CGAS: variants seen among roughly 807,000 people sequenced by gnomAD.
CGAS encodes the protein 2'3'-cGAMP synthase.
In CGAS, 31 loss-of-function variants were observed where a neutral mutation model predicts 34.0. The observed-to-expected ratio is 0.91, with a 90% CI of 0.69 to 1.23. CGAS has a LOEUF of 1.23. Ranked by LOEUF, CGAS falls within the 50% of genes most tolerant of loss-of-function variation. CGAS has a pLI of 0.00. For synonymous variants in CGAS, 266 were observed against 260.0 expected, an observed-to-expected ratio of 1.02 and a Z score of -0.22; for missense variants, 597 against 657.6, an observed-to-expected ratio of 0.91 and a Z score of 1.01.
intron 3 of CGAS, among the ~76,000 whole-genome samples, chr6:73,430,398 A>T (rs887315561): frequency 7.0e-4 from 106 of 152,244 alleles, no homozygotes; most frequent in African/African-American, 2.5e-3. Flanking sequence ...CAGGAGGCCG[A>T]GACAGGAGAC....
chr6:73,443,747 T>C (rs1319598678), intron 2 of CGAS, among the ~76,000 whole-genome samples: 2 of 152,158 alleles, frequency 1.3e-5, no homozygotes, highest in African/African-American at 2.4e-5. Flanking sequence ...CTTAATCTAA[T>C]AGCGTAATAA....
intron 2 of CGAS, among the ~76,000 whole-genome samples, chr6:73,443,395 C>T (rs1045189430): frequency 9.2e-5 from 14 of 152,002 alleles, no homozygotes; most frequent in Non-Finnish European, 1.9e-4. Flanking sequence ...CCCGCCACCA[C>T]GCCCGGCTAG....
chr6:73,426,109 C>G lies in CGAS; in HGVS notation c.1218-531G>C, dbSNP rs1161414708. 2.0e-5 allele frequency among the ~76,000 whole-genome samples: 3 copies of G among 151,948 alleles called. 1 individual carries two copies. Among genetic ancestry groups the G allele is most frequent in the Admixed American group, 2.0e-4 (3 of 15,208 alleles). On this transcript the variant is annotated intron_variant, in intron 4 of 4. Transcript: ENST00000370315. ...ATCAGCCTGGCCAGTATGCTGAAAC[C>G]CCATCTCTACTAAAAATACAAAAAT...
chr6:73,430,509 T>C (rs1770177401), intron 3 of CGAS, among the ~76,000 whole-genome samples: 2 of 151,992 alleles, frequency 1.3e-5, no homozygotes, highest in African/African-American at 2.4e-5. Context: ...TGTATGTATG[T>C]ATTTGTATAT....
chr6:73,450,106 G>A (rs1255028152), intron 1 of CGAS, among the ~76,000 whole-genome samples: 1 of 150,412 alleles, frequency 6.6e-6, no homozygotes, highest in Non-Finnish European at 1.5e-5. Context: ...AGAGAGAAGA[G>A]AAGAGAAGAG....
intron 2 of CGAS, among the ~76,000 whole-genome samples, chr6:73,443,687 A>AT (rs1464936829): frequency 2.0e-5 from 3 of 152,078 alleles, no homozygotes; most frequent in Non-Finnish European, 4.4e-5. Context: ...CAAGATAATC[A>AT]TTTTTTCCAT....
At chr6:73,428,897 T>C (rs1434462089) in intron 3 of CGAS, 86 bp from the exon 4 acceptor site, 13 of 1,230,450 alleles carry the variant, frequency 1.1e-5, no homozygotes, top group Non-Finnish European at 1.1e-5. Context: ...CTCATGAAAA[T>C]ATCCTGGGGC....
At chr6:73,443,713 C>T (rs968163440) in intron 2 of CGAS, among the ~76,000 whole-genome samples, 5 of 152,164 alleles carry the variant, frequency 3.3e-5, no homozygotes, top group South Asian at 4.1e-4. Context: ...ATTAATTGTA[C>T]GTCTGTGCTT....
chr6:73,451,906 C>A lies in CGAS; in HGVS notation c.276G>T (p.Gln92His). ...KKAPQRAQDT[Q>H]PSDATSAPGA... ...CAGGGGCGCTGGTGGCGTCAGACGG[C>A]TGCGTGTCCTGGGCGCGCTGAGGGG... is the stretch of plus-strand genomic sequence containing the variant. The change falls in exon 1 of 5, where the codon CAG (glutamine) becomes CAT (histidine). Residue 92 changes from glutamine (Q) to histidine (H), a missense_variant. By Grantham distance (24) the Gln-to-His change is conservative. Transcript: ENST00000370315. 3 of 1,523,860 alleles carry A rather than the reference C, an allele frequency of 2.0e-6. No individual in the cohort carries two copies. The highest frequency in any genetic ancestry group is 1.8e-6 in the Non-Finnish European group (2 of 1,131,964). The allele number at this position is 1,523,860 out of a possible 1,614,324, so 94.4% of individuals were successfully genotyped here. A position where few individuals can be genotyped will look rare whatever the true frequency, so the allele number is the denominator to read the frequency against.
At chr6:73,428,848 C>T (rs1379121549) in intron 3 of CGAS, 37 bp from the exon 4 acceptor site, 2 of 1,538,166 alleles carry the variant, frequency 1.3e-6, no homozygotes, top group Non-Finnish European at 1.8e-6. Flanking sequence ...AGCACTTTAC[C>T]CAAAGCATCC....
rs528589094 is a variant in CGAS at position 73,428,609 on chromosome 6, A to G, written c.1217+100T>C. The G allele has an allele frequency of 1.8e-4, 200 of 1,106,236 alleles. 1 individual carries two copies. In the East Asian group the frequency reaches 4.9e-3, roughly 27 times the overall value. The allele number at this position is 1,106,236 out of a possible 1,614,324, so 68.5% of individuals were successfully genotyped here. On this transcript the variant is annotated intron_variant, in intron 4 of 4. Transcript: ENST00000370315. ...TCAACCCAATCCTGCCCTGCCCCCC[A>G]GACCCAACCCAGCTCAGCTCTTCAG...
At chr6:73,442,404 CT>C (rs575356584) in intron 2 of CGAS, among the ~76,000 whole-genome samples, 338 of 140,626 alleles carry the variant, frequency 2.4e-3, no homozygotes, top group Non-Finnish European at 2.4e-3. Flanking sequence ...CCAGCCCAAA[CT>C]TTTTTTTTTT....
chr6:73,428,756 A>G lies in CGAS; in HGVS notation c.1170T>C (p.His390=), dbSNP rs752157553. ...SHIEKEILNN[H]GKSKTCCENK... is the part of the protein sequence containing the mutation. ...TTTCACAGCACGTTTTAGATTTTCC[A>G]TGATTGTTCAAAATTTCCTTTTCGA... The change falls in exon 4 of 5, where the codon CAT becomes CAC. Residue 390 remains histidine, a synonymous_variant. Coordinates refer to ENST00000370315, the MANE Select transcript of CGAS (RefSeq NM_138441.3). The G allele has an allele frequency of 1.9e-6, 3 of 1,613,818 alleles. No homozygotes were observed. Among genetic ancestry groups the G allele is most frequent in the East Asian group, 4.5e-5 (2 of 44,892 alleles).
chr6:73,439,583 T>C (rs1770340579), intron 3 of CGAS, among the ~76,000 whole-genome samples: 2 of 152,126 alleles, frequency 1.3e-5, no homozygotes, highest in South Asian at 2.1e-4. Flanking sequence ...ACTCAGTCTG[T>C]TTCTTGGAAG....
intron 4 of CGAS, among the ~76,000 whole-genome samples, chr6:73,427,374 A>C (rs936839829): frequency 6.6e-6 from 1 of 151,766 alleles, no homozygotes; most frequent in East Asian, 1.9e-4. Flanking sequence ...ATCTCAGCTT[A>C]TTGCAACCTC....
At chr6:73,427,583 G>A (rs1461835804) in intron 4 of CGAS, among the ~76,000 whole-genome samples, 1 of 152,090 alleles carries the variant, frequency 6.6e-6, no homozygotes, top group Non-Finnish European at 1.5e-5. Context: ...TGCAGGCCTT[G>A]AGCCACCATG....
intron 2 of CGAS, among the ~76,000 whole-genome samples, chr6:73,443,015 C>T (rs748885950): frequency 1.3e-5 from 2 of 151,940 alleles, no homozygotes; most frequent in Non-Finnish European, 2.9e-5. Context: ...CACAGTTAGC[C>T]CAGACAGAAC....
intron 4 of CGAS, among the ~76,000 whole-genome samples, chr6:73,428,064 T>C (rs1770118758): frequency 6.6e-6 from 1 of 151,822 alleles, no homozygotes; most frequent in Non-Finnish European, 1.5e-5. Flanking sequence ...TCTACAAAAT[T>C]TTTTTTTAAA....
At chr6:73,449,508 C>CACACACACACACACACACACACACAA (rs569310062) in intron 1 of CGAS, among the ~76,000 whole-genome samples, 1 of 150,386 alleles carries the variant, frequency 6.6e-6, no homozygotes, top group Non-Finnish European at 1.5e-5. Flanking sequence ...CACACACACA[C>CACACACACACACACACACACACACAA]AAAGTGGTTC....
Sources: allele counts gnomAD v4.1 joint callset (sites outside exome capture counted in the v4.1 genomes callset), GRCh38; gene constraint gnomAD v4.1.1; transcripts MANE v1.5; gene names NCBI Gene and HGNC (gene_info 2026-07-23, HGNC 2026-07-21).